The following PRH1 variants were observed in gnomAD, a reference collection of about 807,000 sequenced individuals.
PRH1 encodes salivary acidic proline-rich phosphoprotein 1/2.
A neutral mutation model predicts 7.9 loss-of-function variants in PRH1; 7 were observed. That is an observed-to-expected ratio of 0.89 (90% CI 0.50 to 1.67). The LOEUF is 1.67. PRH1 is among the 40% of genes most tolerant of loss of function. The probability of loss-of-function intolerance (pLI) is 0.00; values close to 1 mark genes in which losing one functional copy is unlikely to be tolerated. For missense variants in PRH1, 109 were observed against 223.6 expected, an observed-to-expected ratio of 0.49 and a Z score of 3.27; for synonymous variants, 45 against 80.8, an observed-to-expected ratio of 0.56 and a Z score of 2.38.
rs1451390548 is a variant in PRH1, at chr12:11,156,140, TTC to T, written n.39+15280_39+15281del. ...TATCTGAAAATGTATCCTTTTGAATTTCTGTTTATGAAATGTCTGCTACTCCT... is the reference window on the plus strand; with the variant it reads ...TATCTGAAAATGTATCCTTTTGAATTTGTTTATGAAATGTCTGCTACTCCT... On this transcript the variant is annotated intron_variant and non_coding_transcript_variant, in intron 1 of 1. Coordinates refer to the PRH1 transcript ENST00000541175. Among the ~76,000 whole-genome samples the T allele has an allele frequency of 2.6e-5, 4 of 152,334 alleles. No homozygotes were observed. In the South Asian group the frequency reaches 6.2e-4, roughly 24 times the overall value.
intron 2 of PRH1, among the ~76,000 whole-genome samples, chr12:10,969,024 C>T (rs1004355257): frequency 2.0e-5 from 3 of 152,218 alleles, no homozygotes; most frequent in Non-Finnish European, 4.4e-5. Context: ...TCTTGTCCAG[C>T]TTCCAAGAAA....
chr12:11,022,403 C>G, intron 1 of PRH1: 1 of 1,613,676 alleles, frequency 6.2e-7, no homozygotes, highest in African/African-American at 1.3e-5. Context: ...CAGAGTAAAC[C>G]AATTCTGGAG....
At chr12:11,022,611 TTC>T in intron 1 of PRH1, 1 of 1,416,330 alleles carries the variant, frequency 7.1e-7, no homozygotes, top group Non-Finnish European at 9.6e-7. Context: ...GTAACACTTG[TTC>T]TGAGTCCTTT....
chr12:11,153,166 C>T (rs1947150808), intron 1 of PRH1, among the ~76,000 whole-genome samples: 2 of 152,194 alleles, frequency 1.3e-5, no homozygotes, highest in South Asian at 4.2e-4. Context: ...TTTTAGTGAA[C>T]ATAAGTAGAA....
intron 1 of PRH1, among the ~76,000 whole-genome samples, chr12:11,023,755 T>A (rs1176732920): frequency 1.3e-5 from 2 of 152,228 alleles, no homozygotes; most frequent in Admixed American, 1.3e-4. Flanking sequence ...TTATCTACCC[T>A]AAATCAGCCA....
At chr12:10,963,464 T>C (rs1180906422) in intron 2 of PRH1, among the ~76,000 whole-genome samples, 4 of 152,212 alleles carry the variant, frequency 2.6e-5, no homozygotes, top group African/African-American at 7.2e-5. Context: ...TAATAAAGAT[T>C]TGAGTTCATT....
intron 2 of PRH1, among the ~76,000 whole-genome samples, chr12:10,910,373 G>A (rs1003624566): frequency 1.3e-5 from 2 of 152,128 alleles, no homozygotes; most frequent in East Asian, 3.9e-4. Context: ...TGTAATCCTA[G>A]CAATTTGGGA....
At chr12:11,171,293 G>A in intron 1 of PRH1, 2 of 1,081,316 alleles carry the variant, frequency 1.8e-6, no homozygotes, top group Non-Finnish European at 2.4e-6. Context: ...GCCGTCGCTA[G>A]GAGGTCCGCG....
intron 1 of PRH1, among the ~76,000 whole-genome samples, chr12:11,155,186 T>G (rs146237460): frequency 2.1e-3 from 316 of 152,338 alleles, no homozygotes; most frequent in African/African-American, 6.7e-3. Flanking sequence ...TACATGCAAA[T>G]AGGAGAAAAA....
intron 1 of PRH1, among the ~76,000 whole-genome samples, chr12:11,016,109 T>C (rs1037934866): frequency 6.6e-6 from 1 of 152,360 alleles, no homozygotes; most frequent in Middle Eastern, 3.4e-3. Flanking sequence ...GAAGGGCATA[T>C]TGAAAGCATA....
intron 1 of PRH1, among the ~76,000 whole-genome samples, chr12:11,039,692 T>C (rs554459757): frequency 6.6e-6 from 1 of 152,360 alleles, no homozygotes; most frequent in South Asian, 2.1e-4. Flanking sequence ...ATGAATCCCG[T>C]CTTTTCCTAC....
At chr12:10,939,391 ATC>A (rs1950354481) in intron 2 of PRH1, 1 of 489,772 alleles carries the variant, frequency 2.0e-6, no homozygotes, top group African/African-American at 2.0e-5. Context: ...CTTCATAAAA[ATC>A]TCTGTATTTC....
chr12:10,945,161 T>G (rs561731358), intron 2 of PRH1, among the ~76,000 whole-genome samples: 16 of 152,316 alleles, frequency 1.1e-4, no homozygotes, highest in African/African-American at 2.9e-4. Flanking sequence ...CTGGTAGAAT[T>G]TGGCTGTGAA....
chr12:10,899,394 G>T (rs1591658266), intron 2 of PRH1, among the ~76,000 whole-genome samples: 1 of 152,272 alleles, frequency 6.6e-6, no homozygotes, highest in African/African-American at 2.4e-5. Flanking sequence ...GATCCCCAAA[G>T]TAGTGGTGTT....
intron 2 of PRH1, among the ~76,000 whole-genome samples, chr12:10,972,653 G>A (rs1005972697): frequency 2.0e-4 from 31 of 152,012 alleles, no homozygotes. Context: ...AGCAACATCA[G>A]TTGTTAGGAA....
At chr12:11,034,906 A>G (rs1942371575) in intron 1 of PRH1, 1 of 152,458 alleles carries the variant, frequency 6.6e-6, no homozygotes, top group African/African-American at 2.4e-5. Context: ...AAATAATAAT[A>G]ATAATATTAA....
intron 1 of PRH1, among the ~76,000 whole-genome samples, chr12:10,992,520 A>C (rs904046715): frequency 2.0e-5 from 3 of 152,154 alleles, no homozygotes; most frequent in Non-Finnish European, 4.4e-5. Context: ...CCTGGGCTAA[A>C]CTGATCCCCC....
intron 2 of PRH1, among the ~76,000 whole-genome samples, chr12:10,900,826 C>T (rs955347512): frequency 6.6e-6 from 1 of 152,136 alleles, no homozygotes; most frequent in African/African-American, 2.4e-5. Context: ...AATAGGGAGG[C>T]CCTCTCTGCT....
chr12:11,112,028 T>C lies in PRH1; in HGVS notation n.123+59394A>G, dbSNP rs540602116. 5.9e-5 allele frequency among the ~76,000 whole-genome samples: 9 copies of C among 152,300 alleles called. No homozygotes were observed. The South Asian group carries it at 1.2e-3, about 21-fold the overall frequency. ...CATCAGAGAATACTATAAACACCTCTATGCAAATACGCTAGAAAATTTAGA... is the reference window on the plus strand; with the variant it reads ...CATCAGAGAATACTATAAACACCTCCATGCAAATACGCTAGAAAATTTAGA... On this transcript the variant is annotated intron_variant and non_coding_transcript_variant, in intron 1 of 4. Coordinates refer to the PRH1 transcript ENST00000541977.
Sources: gnomAD v4.1 joint callset for allele counts (sites outside exome capture counted in the v4.1 genomes callset) on GRCh38, gnomAD v4.1.1 for gene constraint, MANE v1.5 for transcripts, NCBI Gene and HGNC (gene_info 2026-07-23, HGNC 2026-07-21) for gene names.